Variants in PTPRG observed in about 807,000 individuals in gnomAD.
The protein encoded by PTPRG is receptor-type tyrosine-protein phosphatase gamma.
Under a neutral mutation model 165.3 loss-of-function variants are expected in PTPRG, and 102 were observed. The ratio of observed to expected loss-of-function variants is 0.62; its 90% CI spans 0.53 to 0.73. The LOEUF is 0.73. Among genes scored for constraint, PTPRG ranks in the 30% least tolerant of loss-of-function variants. PTPRG has a pLI of 0.00. For missense variants in PTPRG, 1,866 were observed against 1,861.4 expected (o/e 1.00, Z -0.05); for synonymous variants, 675 against 669.5 (o/e 1.01, Z -0.13).
chr3:61,917,581 C>T (rs2038972118), intron 2 of PTPRG, among the ~76,000 whole-genome samples: 1 of 152,124 alleles, frequency 6.6e-6, no homozygotes, highest in Non-Finnish European at 1.5e-5. Context: ...GTCTTAAAAT[C>T]TTGGTTACGT....
chr3:62,202,992 T>TA (rs768249208), intron 11 of PTPRG, among the ~76,000 whole-genome samples, 181 bp from the exon 12 acceptor site: 2 of 152,202 alleles, frequency 1.3e-5, no homozygotes, highest in Non-Finnish European at 2.9e-5. Context: ...AAATAAAAGT[T>TA]GATCACCCAT....
chr3:62,195,273 C>A lies in PTPRG; in HGVS notation c.1327+103C>A. On this transcript the variant is annotated intron_variant, in intron 10 of 29. Transcript: ENST00000474889. This position sits in a 1 kb window ranked among gnomAD's most constrained non-coding sequence, Gnocchi z 4.4. ...GTGCTGGGGAAAAATACAAACAAGC[C>A]TGGCAGAAGAATCAGTGTAGGGTTT... The A allele has an allele frequency of 1.9e-6, 2 of 1,052,374 alleles. No homozygotes were observed. The highest frequency in any genetic ancestry group is 1.4e-5 in the South Asian group (1 of 73,092). The allele number at this position is 1,052,374 out of a possible 1,614,324, so 65.2% of individuals were successfully genotyped here.
At chr3:61,727,858 T>G (rs568831186) in intron 1 of PTPRG, among the ~76,000 whole-genome samples, 1 of 152,364 alleles carries the variant, frequency 6.6e-6, no homozygotes, top group South Asian at 2.1e-4. Flanking sequence ...CTCAGCAGTT[T>G]GCGAAGCTTC....
intron 5 of PTPRG, among the ~76,000 whole-genome samples, chr3:62,108,265 G>C (rs1165012678): frequency 1.3e-5 from 2 of 150,822 alleles, no homozygotes; most frequent in Non-Finnish European, 2.9e-5. Flanking sequence ...TCATTGTTCA[G>C]CTCCCACTTA....
intron 2 of PTPRG, among the ~76,000 whole-genome samples, chr3:61,972,958 C>G (rs1457202956): frequency 6.6e-6 from 1 of 152,040 alleles, no homozygotes; most frequent in African/African-American, 2.4e-5. Flanking sequence ...TGTGCCTGGC[C>G]TGGGATTTTT....
chr3:61,729,097 G>A lies in PTPRG; in HGVS notation c.86-19781G>A, dbSNP rs536197896. On this transcript the variant is annotated intron_variant, in intron 1 of 29. Coordinates refer to ENST00000474889, the MANE Select transcript of PTPRG (RefSeq NM_002841.4). Reference sequence around the variant, plus strand: ...ACAAACAAACAAACAAAAAGGACCAGGGAGGCTCCCTGTAAGTAGCTAAAG... The same window carrying A: ...ACAAACAAACAAACAAAAAGGACCAAGGAGGCTCCCTGTAAGTAGCTAAAG... Among the ~76,000 whole-genome samples the A allele has an allele frequency of 7.9e-5, 12 of 151,394 alleles. No individual in the cohort carries two copies. In the South Asian group the frequency reaches 2.1e-3, roughly 26 times the overall value.
intron 2 of PTPRG, among the ~76,000 whole-genome samples, chr3:61,904,981 G>C (rs1302979173): frequency 6.6e-6 from 1 of 151,438 alleles, no homozygotes; most frequent in Admixed American, 6.6e-5. Flanking sequence ...CCTGCTGTCT[G>C]TCTTTTCCTG....
intron 1 of PTPRG, among the ~76,000 whole-genome samples, chr3:61,659,106 C>T (rs1559544255): frequency 2.0e-5 from 3 of 152,154 alleles, no homozygotes; most frequent in African/African-American, 7.2e-5. Context: ...GCAGACACAC[C>T]TTGGGGCCCC....
chr3:62,113,886 A>G (rs11917053), intron 5 of PTPRG, among the ~76,000 whole-genome samples: 2,686 of 152,310 alleles, frequency 0.018, 73 homozygotes, highest in African/African-American at 0.06. Context: ...GTAGGTAGCT[A>G]TTTATGGATT....
intron 6 of PTPRG, among the ~76,000 whole-genome samples, chr3:62,156,779 T>C (rs992645332): frequency 2.6e-5 from 4 of 152,208 alleles, no homozygotes; most frequent in Non-Finnish European, 5.9e-5. Context: ...ATATTTTGTC[T>C]ATTTCCTGGG....
chr3:62,284,102 C>A (rs1702550597), intron 28 of PTPRG, among the ~76,000 whole-genome samples: 1 of 151,814 alleles, frequency 6.6e-6, no homozygotes, highest in Non-Finnish European at 1.5e-5. Context: ...CTCTTATCAT[C>A]TCTTGTCATC....
intron 2 of PTPRG, among the ~76,000 whole-genome samples, chr3:61,759,340 A>G (rs1425299876): frequency 6.6e-6 from 1 of 152,052 alleles, no homozygotes; most frequent in Non-Finnish European, 1.5e-5. Context: ...CTCACTTTTC[A>G]TTCATGTCAC....
intron 5 of PTPRG, 33 bp downstream of exon 5, chr3:62,078,291 A>G (rs377626661): frequency 2.1e-6 from 3 of 1,434,700 alleles, no homozygotes; most frequent in African/African-American, 1.4e-5. Flanking sequence ...ACTTCAAAGA[A>G]TTCTTTGAGT....
At chr3:61,745,382 C>G (rs936953268) in intron 1 of PTPRG, among the ~76,000 whole-genome samples, 6 of 152,154 alleles carry the variant, frequency 3.9e-5, no homozygotes, top group African/African-American at 1.4e-4. Context: ...ACACCATGCG[C>G]TGATTTCCAT....
At chr3:61,589,768 G>T (rs1338176954) in intron 1 of PTPRG, among the ~76,000 whole-genome samples, 1 of 150,788 alleles carries the variant, frequency 6.6e-6, no homozygotes, top group African/African-American at 2.5e-5. Context: ...TGGATGAGTG[G>T]ATGGGTAGAT....
In PTPRG at chr3:61,818,829, A is replaced by AAATAGTGAAATAGTG. The variant is rs773729916; in HGVS notation, c.190+69910_190+69924dup. 4.2e-4 allele frequency among the ~76,000 whole-genome samples: 39 copies of AAATAGTGAAATAGTG among 93,856 alleles called. 1 individual carries two copies. Among genetic ancestry groups the AAATAGTGAAATAGTG allele is most frequent in the East Asian group, 7.3e-4 (1 of 1,370 alleles). The allele number at this position is 93,856 out of a possible 152,430, so 61.6% of individuals were successfully genotyped here. On this transcript the variant is annotated intron_variant, in intron 2 of 29. Transcript: ENST00000474889. The stretch of plus-strand genomic sequence containing the variant: ...ATTGAAATAGGGGCCCTTTAAAGTG[A>AAATAGTGAAATAGTG]AATAGTGAAATAGTGAATAGTGAAA...
intron 14 of PTPRG, among the ~76,000 whole-genome samples, chr3:62,231,605 T>C (rs907425833): frequency 1.3e-5 from 2 of 152,176 alleles, no homozygotes; most frequent in Non-Finnish European, 2.9e-5. Context: ...TTTGTGTGTC[T>C]GTATGTGTGT....
At chr3:61,932,722 T>A (rs576384865) in intron 2 of PTPRG, among the ~76,000 whole-genome samples, 1 of 152,318 alleles carries the variant, frequency 6.6e-6, no homozygotes, top group African/African-American at 2.4e-5. Context: ...AACCCATGTC[T>A]TTTGACTCAA....
intron 2 of PTPRG, among the ~76,000 whole-genome samples, chr3:61,790,368 T>C (rs763116417): frequency 4.6e-5 from 7 of 152,240 alleles, no homozygotes; most frequent in African/African-American, 1.4e-4. Flanking sequence ...ATCTTGGGCA[T>C]CTATTTATTA....
Sources: gnomAD v4.1 joint callset for allele counts (sites outside exome capture counted in the v4.1 genomes callset) on GRCh38, gnomAD v4.1.1 for gene constraint, Gnocchi (gnomAD v3.1) non-coding constraint, MANE v1.5 for transcripts, NCBI Gene and HGNC (gene_info 2026-07-23, HGNC 2026-07-21) for gene names.